Variants in MRE11 observed in about 807,000 individuals in gnomAD.
The protein encoded by MRE11 is double-strand break repair protein MRE11.
Under a neutral mutation model 91.7 loss-of-function variants are expected in MRE11, and 62 were observed. The ratio of observed to expected loss-of-function variants is 0.68; its 90% CI spans 0.55 to 0.84. The LOEUF is 0.84. MRE11 is among the 40% of genes least tolerant of loss of function. MRE11 has a pLI of 0.00. For synonymous variants in MRE11, 273 were observed against 271.4 expected (o/e 1.01, Z -0.06); for missense variants, 796 against 852.9 (o/e 0.93, Z 0.83).
intron 19 of MRE11, among the ~76,000 whole-genome samples, chr11:94,427,002 T>C (rs1945340343): frequency 6.6e-6 from 1 of 152,042 alleles, no homozygotes; most frequent in Admixed American, 6.6e-5. Context: ...CTACAGAAAT[T>C]ATTCCAAAAA....
intron 3 of MRE11, among the ~76,000 whole-genome samples, chr11:94,487,581 G>A (rs1947173226): frequency 6.6e-6 from 1 of 152,170 alleles, no homozygotes; most frequent in African/African-American, 2.4e-5. Flanking sequence ...ACTGGATCCT[G>A]GACACCACCA....
At chr11:94,436,037 T>C (rs769782816) in intron 17 of MRE11, 138 bp from the exon 18 acceptor site, 3 of 789,122 alleles carry the variant, frequency 3.8e-6, no homozygotes, top group Non-Finnish European at 6.5e-6. Flanking sequence ...CCATAACCAT[T>C]AAAACTAACA....
chr11:94,458,213 T>C (rs1020175765), intron 13 of MRE11, among the ~76,000 whole-genome samples: 1 of 152,116 alleles, frequency 6.6e-6, no homozygotes, highest in Admixed American at 6.5e-5. Flanking sequence ...AACATTGTTT[T>C]GTTCTTCTGC....
At chr11:94,449,380 C>T (rs192764969) in intron 14 of MRE11, among the ~76,000 whole-genome samples, 173 of 152,190 alleles carry the variant, frequency 1.1e-3, no homozygotes, top group Non-Finnish European at 2.1e-3. Flanking sequence ...TACAGTTAAT[C>T]CTCATTATTC....
At chr11:94,439,263 G>A (rs926976880) in intron 16 of MRE11, among the ~76,000 whole-genome samples, 1 of 151,944 alleles carries the variant, frequency 6.6e-6, no homozygotes, top group Admixed American at 6.6e-5. Flanking sequence ...CTACTTCACA[G>A]GTATTCTGTC....
rs1358085457 is a variant in MRE11, at chr11:94,471,846, C to T, written c.660-87G>A. 4 of 1,096,508 alleles carry T rather than the reference C, an allele frequency of 3.6e-6. No homozygotes were observed. In the East Asian group the frequency reaches 7.7e-5, roughly 21 times the overall value. The allele number at this position is 1,096,508 out of a possible 1,614,324, so 67.9% of individuals were successfully genotyped here. The stretch of plus-strand genomic sequence containing the variant: ...CTATACAGATCTTTCTTTCTCCATT[C>T]ACTAAAGATTTTATTGCATCCTTCT... On this transcript the variant is annotated intron_variant, in intron 7 of 19. Transcript: ENST00000323929.
chr11:94,508,763 CTTT>C, the MRE11 span, among the ~76,000 whole-genome samples: 1 of 139,100 alleles, frequency 7.2e-6, no homozygotes. Context: ...CTACATTTAC[CTTT>C]TTTTTTTTTT....
At chr11:94,492,666 T>C (rs1393145066) in intron 2 of MRE11, 116 bp downstream of exon 2, 4 of 1,456,816 alleles carry the variant, frequency 2.7e-6, no homozygotes, top group Non-Finnish European at 2.9e-6. Flanking sequence ...AATATTTCTG[T>C]TCATAAACAG....
intron 10 of MRE11, among the ~76,000 whole-genome samples, chr11:94,467,230 T>C (rs1946586749): frequency 6.6e-6 from 1 of 152,192 alleles, no homozygotes; most frequent in Non-Finnish European, 1.5e-5. Context: ...AGAAGTCTGT[T>C]GTTGTTTCTT....
intron 8 of MRE11, among the ~76,000 whole-genome samples, chr11:94,470,867 G>A (rs1946691462): frequency 6.6e-6 from 1 of 151,920 alleles, no homozygotes; most frequent in Non-Finnish European, 1.5e-5. Context: ...TATTATCCCT[G>A]TCTGATCAGT....
At chr11:94,498,020 T>G, upstream of MRE11, 1 of 1,376,530 alleles carries the variant, frequency 7.3e-7, no homozygotes, top group Non-Finnish European at 9.8e-7. Flanking sequence ...TTTGTTTTAG[T>G]TATTGTTTTG....
At chr11:94,492,946 GC>G in intron 1 of MRE11, 40 bp from the exon 2 acceptor site, 2 of 748,912 alleles carry the variant, frequency 2.7e-6, no homozygotes, top group Non-Finnish European at 4.6e-6. Context: ...TTTTTTAAAA[GC>G]CTGCACGTAT....
At chr11:94,497,666 T>G (rs1481828865), upstream of MRE11, 1 of 161,988 alleles carries the variant, frequency 6.2e-6, no homozygotes, top group Non-Finnish European at 1.3e-5. Context: ...TTTTAAAAGT[T>G]TCATACAGTG....
intron 7 of MRE11, chr11:94,475,412 C>A: frequency 6.1e-6 from 2 of 327,258 alleles, no homozygotes; most frequent in Non-Finnish European, 1.2e-5. Flanking sequence ...CTGGACCGAA[C>A]ACCCCCCGTG....
the MRE11 span, among the ~76,000 whole-genome samples, chr11:94,501,772 C>G: frequency 6.6e-6 from 1 of 151,790 alleles, no homozygotes; most frequent in Non-Finnish European, 1.5e-5. Flanking sequence ...AAAAAAAAAC[C>G]CCTCGGTTTT....
chr11:94,467,640 CACTT>C (rs1268053985), intron 10 of MRE11, among the ~76,000 whole-genome samples, 169 bp downstream of exon 10: 2 of 152,202 alleles, frequency 1.3e-5, no homozygotes, highest in African/African-American at 4.8e-5. Context: ...CCAAACCTAT[CACTT>C]AAACTGTGAT....
chr11:94,423,336 A>C (rs1158866821), intron 19 of MRE11, among the ~76,000 whole-genome samples: 1 of 152,160 alleles, frequency 6.6e-6, no homozygotes, highest in Non-Finnish European at 1.5e-5. Flanking sequence ...CCTAGCTACA[A>C]GATTCCATGC....
At chr11:94,434,574 G>C (rs1451603361) in intron 18 of MRE11, among the ~76,000 whole-genome samples, 1 of 152,088 alleles carries the variant, frequency 6.6e-6, no homozygotes, top group Non-Finnish European at 1.5e-5. Context: ...TCTTTCTGGA[G>C]TTCCTGCTCA....
At chr11:94,511,601 A>T in the MRE11 span, among the ~76,000 whole-genome samples, 1 of 152,254 alleles carries the variant, frequency 6.6e-6, no homozygotes, top group African/African-American at 2.4e-5. Flanking sequence ...GATATCTAAA[A>T]TTGAAAAACA....
Sources: gnomAD v4.1 joint callset for allele counts (sites outside exome capture counted in the v4.1 genomes callset) on GRCh38, gnomAD v4.1.1 for gene constraint, MANE v1.5 for transcripts, NCBI Gene and HGNC (gene_info 2026-07-23, HGNC 2026-07-21) for gene names.